OPCML: variants seen among roughly 807,000 people sequenced by gnomAD.
OPCML encodes opioid-binding protein/cell adhesion molecule.
A neutral mutation model predicts 37.8 loss-of-function variants in OPCML; 13 were observed. The observed-to-expected ratio is 0.34, with a 90% CI of 0.22 to 0.55. The LOEUF (loss-of-function observed/expected upper bound fraction) is 0.55, where lower values mean the gene tolerates loss of function less well. OPCML is among the 20% of genes least tolerant of loss of function. The pLI is 0.91. For synonymous variants in OPCML, 176 were observed against 168.8 expected (o/e 1.04, Z -0.33); for missense variants, 341 against 435.6 (o/e 0.78, Z 1.93).
chr11:133,397,908 G>T (rs1945321481), intron 1 of OPCML, among the ~76,000 whole-genome samples: 1 of 152,210 alleles, frequency 6.6e-6, no homozygotes, highest in Non-Finnish European at 1.5e-5. Context: ...CTGATTTGGT[G>T]AAGGCATTTC....
At position 132,706,033 on chromosome 11, in the gene OPCML, CCTGA is replaced by C. The variant is rs367653174; in HGVS notation, c.147-48718_147-48715del. Among the ~76,000 whole-genome samples, 53 of 152,190 alleles carry C rather than the reference CCTGA, an allele frequency of 3.5e-4. 1 individual carries two copies. In the East Asian group the frequency reaches 7.2e-3, roughly 21 times the overall value. ...ATGTTGGCCAGGCTGGTCTCAAACT[CCTGA>C]CCTCATGATCCACACACCTCGGCCT... On this transcript the variant is annotated intron_variant, in intron 2 of 7. Transcript: ENST00000524381.
chr11:132,458,627 A>T (rs573264658), intron 4 of OPCML, among the ~76,000 whole-genome samples: 2 of 152,344 alleles, frequency 1.3e-5, no homozygotes, highest in African/African-American at 2.4e-5. Flanking sequence ...AATTTGAATA[A>T]TTTTTTTAAA....
At chr11:133,093,484 A>G (rs887341461) in intron 1 of OPCML, among the ~76,000 whole-genome samples, 1 of 152,166 alleles carries the variant, frequency 6.6e-6, no homozygotes. Context: ...ATAATTATCA[A>G]GCAACTGTTA....
intron 2 of OPCML, among the ~76,000 whole-genome samples, chr11:132,784,723 T>G (rs1947150290): frequency 6.6e-6 from 1 of 152,158 alleles, no homozygotes; most frequent in African/African-American, 2.4e-5. Context: ...GAGTTCTTGC[T>G]CTATTAGACC....
intron 2 of OPCML, among the ~76,000 whole-genome samples, chr11:132,896,499 C>G (rs1302922690): frequency 6.6e-6 from 1 of 152,200 alleles, no homozygotes; most frequent in African/African-American, 2.4e-5. Context: ...CAAAATGGTA[C>G]CTGGTATGCA....
At chr11:133,181,088 C>T (rs1292216670) in intron 1 of OPCML, among the ~76,000 whole-genome samples, 1 of 152,088 alleles carries the variant, frequency 6.6e-6, no homozygotes, top group East Asian at 1.9e-4. Context: ...TTGTGTAACA[C>T]TTTTAAAATA....
chr11:132,919,124 C>T (rs1290894281), intron 2 of OPCML, among the ~76,000 whole-genome samples: 8 of 152,152 alleles, frequency 5.3e-5, no homozygotes. Flanking sequence ...GGGCCTATAG[C>T]CTTAAGCCTG....
intron 1 of OPCML, among the ~76,000 whole-genome samples, chr11:132,953,674 T>C (rs1945912556): frequency 6.6e-6 from 1 of 151,990 alleles, no homozygotes; most frequent in Admixed American, 6.6e-5. Flanking sequence ...CCATGACAGG[T>C]GGAAAATGGA....
chr11:133,258,857 G>T (rs534281800), intron 1 of OPCML, among the ~76,000 whole-genome samples: 13 of 152,184 alleles, frequency 8.5e-5, no homozygotes, highest in Non-Finnish European at 8.8e-5. Context: ...CTCCCCAGAG[G>T]CTTCTTAGAA....
At chr11:132,477,002 T>G (rs1266005047) in intron 4 of OPCML, among the ~76,000 whole-genome samples, 1 of 152,196 alleles carries the variant, frequency 6.6e-6, no homozygotes, top group East Asian at 1.9e-4. Flanking sequence ...TTAATATGAT[T>G]TTTGTCAAAA....
At chr11:132,793,379 C>T (rs969750403) in intron 2 of OPCML, among the ~76,000 whole-genome samples, 4 of 151,964 alleles carry the variant, frequency 2.6e-5, no homozygotes, top group Non-Finnish European at 5.9e-5. Context: ...ATTTTATTGC[C>T]CAGTAAAATA....
intron 1 of OPCML, among the ~76,000 whole-genome samples, chr11:133,114,738 G>C (rs1418480514): frequency 1.3e-5 from 2 of 152,098 alleles, no homozygotes; most frequent in East Asian, 3.9e-4. Flanking sequence ...ATAGTACTTG[G>C]AATTGAGTGG....
chr11:133,418,562 T>C (rs1456746396), intron 1 of OPCML: 1 of 652,744 alleles, frequency 1.5e-6, no homozygotes, highest in Non-Finnish European at 1.9e-6. Flanking sequence ...ATCTTGCTTC[T>C]AACCTCCAAA....
intron 1 of OPCML, among the ~76,000 whole-genome samples, chr11:133,432,776 A>G (rs1387524379): frequency 6.6e-6 from 1 of 152,200 alleles, no homozygotes; most frequent in Non-Finnish European, 1.5e-5. Context: ...CTGGGAAACC[A>G]GAGTGAATTC....
chr11:132,477,018 T>A (rs1000435916), intron 4 of OPCML, among the ~76,000 whole-genome samples: 3 of 152,168 alleles, frequency 2.0e-5, no homozygotes, highest in Non-Finnish European at 4.4e-5. Context: ...CAAAAATAGG[T>A]AAATTGACCA....
intron 2 of OPCML, among the ~76,000 whole-genome samples, chr11:132,721,950 C>CTTTTTTTTTTTTTTTTTTTT (rs34325848): frequency 2.4e-5 from 2 of 82,780 alleles, no homozygotes; most frequent in South Asian, 5.3e-4. Flanking sequence ...CTTTCCTTCC[C>CTTTTTTTTTTTTTTTTTTTT]TTTTTTTTTT....
chr11:132,855,526 T>G (rs1212124290), intron 2 of OPCML, among the ~76,000 whole-genome samples: 1 of 152,236 alleles, frequency 6.6e-6, no homozygotes, highest in Non-Finnish European at 1.5e-5. Flanking sequence ...TCTGGGTGAT[T>G]ACAATATGAT....
intron 1 of OPCML, among the ~76,000 whole-genome samples, chr11:133,133,245 C>T (rs528709347): frequency 2.0e-5 from 3 of 152,168 alleles, no homozygotes; most frequent in Non-Finnish European, 2.9e-5. Flanking sequence ...GGTGGCAGGG[C>T]GGCTGGAGTC....
intron 3 of OPCML, among the ~76,000 whole-genome samples, chr11:132,643,421 G>GCA (rs774059215): frequency 3.3e-5 from 5 of 152,178 alleles, no homozygotes; most frequent in Non-Finnish European, 7.4e-5. Context: ...GATTGGGCTT[G>GCA]CACCGGGAGG....
Sources: allele counts gnomAD v4.1 joint callset (sites outside exome capture counted in the v4.1 genomes callset), GRCh38; gene constraint gnomAD v4.1.1; transcripts MANE v1.5; gene names NCBI Gene and HGNC (gene_info 2026-07-23, HGNC 2026-07-21).